CYP24A1: variants seen among roughly 807,000 people sequenced by gnomAD.
The protein encoded by CYP24A1 is cytochrome P450 family 24 subfamily A member 1.
Under a neutral mutation model 62.4 loss-of-function variants are expected in CYP24A1, and 68 were observed. The ratio of observed to expected loss-of-function variants is 1.09; its 90% CI spans 0.90 to 1.33. The LOEUF (loss-of-function observed/expected upper bound fraction) is 1.33, where lower values mean the gene tolerates loss of function less well. Ranked by LOEUF, CYP24A1 falls within the 40% of genes most tolerant of loss-of-function variation. CYP24A1 has a pLI of 0.00. For synonymous variants in CYP24A1, 267 were observed against 253.0 expected (o/e 1.06, Z -0.52); for missense variants, 787 against 653.0 (o/e 1.21, Z -2.24).
the CYP24A1 span, among the ~76,000 whole-genome samples, chr20:54,143,643 C>A: frequency 1.3e-5 from 2 of 151,598 alleles, no homozygotes; most frequent in East Asian, 1.9e-4. Flanking sequence ...TTGGTGTACC[C>A]ATCACCCAAG....
In CYP24A1 at chr20:54,173,565, G is replaced by C. The variant is rs1005343886; in HGVS notation, c.15C>G (p.Ile5Met). ...AGGCGGCAAGCGAGCGGCTCTTGCT[G>C]ATGGGGGAGCTCATGGCAGCGGGGG... Reference protein sequence around the residue: MSSPISKSRSLAAFL... With the variant: MSSPMSKSRSLAAFL... Residue 5 changes from isoleucine (I) to methionine (M), a missense_variant, in exon 1 of 12, where the codon ATC (isoleucine) becomes ATG (methionine). Transcript: ENST00000216862. This position sits in a 1 kb window ranked among gnomAD's most constrained non-coding sequence, Gnocchi z 7.2. 5 of 1,580,446 alleles carry C rather than the reference G, an allele frequency of 3.2e-6. No homozygotes were observed. The highest frequency in any genetic ancestry group is 4.3e-6 in the Non-Finnish European group (5 of 1,168,306).
chr20:54,153,066 T>C (rs79010878), downstream of CYP24A1, among the ~76,000 whole-genome samples: 4,011 of 152,212 alleles, frequency 0.026, 182 homozygotes, highest in African/African-American at 0.092. Flanking sequence ...GGGGCTGAAA[T>C]GGTTCGTAAC....
downstream of CYP24A1, among the ~76,000 whole-genome samples, chr20:54,152,574 A>G (rs146029554): frequency 8.4e-4 from 128 of 152,350 alleles, 1 homozygote; most frequent in Non-Finnish European, 1.1e-3. Context: ...GGAGAAGAAC[A>G]GGCAGAGAAA....
intron 7 of CYP24A1, among the ~76,000 whole-genome samples, chr20:54,162,276 T>G (rs2092654049): frequency 7.3e-6 from 1 of 137,048 alleles, no homozygotes; most frequent in East Asian, 2.3e-4. Flanking sequence ...CAGCCACAGT[T>G]AGGCACTTTG....
At position 54,159,131 on chromosome 20, in the gene CYP24A1, C is replaced by G; in HGVS notation, c.991-8G>C. ...CATTAGACTGTTTGCTGTCTGCAAG[C>G]CAAATGGACATAAACTTGAGTTTTT... On this transcript the variant is annotated splice_region_variant and splice_polypyrimidine_tract_variant and intron_variant, in intron 7 of 11. Coordinates refer to ENST00000216862, the MANE Select transcript of CYP24A1 (RefSeq NM_000782.5). 1 of 1,609,126 alleles carries G rather than the reference C, an allele frequency of 6.2e-7. No individual in the cohort carries two copies. Among genetic ancestry groups the G allele is most frequent in the African/African-American group, 1.3e-5 (1 of 74,888 alleles).
intron 4 of CYP24A1, among the ~76,000 whole-genome samples, chr20:54,167,384 G>A (rs2092675824): frequency 6.6e-6 from 1 of 152,212 alleles, no homozygotes; most frequent in Admixed American, 6.5e-5. Flanking sequence ...GCTCATGCTT[G>A]TAATCCCAGC....
chr20:54,156,248 T>C (rs369661750), intron 11 of CYP24A1, among the ~76,000 whole-genome samples: 1 of 152,194 alleles, frequency 6.6e-6, no homozygotes, highest in African/African-American at 2.4e-5. Context: ...GTGAATATAC[T>C]ACCTTATATG....
the CYP24A1 span, among the ~76,000 whole-genome samples, chr20:54,145,841 T>C: frequency 6.6e-6 from 1 of 152,244 alleles, no homozygotes; most frequent in Non-Finnish European, 1.5e-5. Context: ...GGGAGGAATT[T>C]ACACAAAGCT....
rs1401809190 is a variant in CYP24A1 at position 54,173,315 on chromosome 20, G to T, written c.258+7C>A. ...GGAGAGAGTCAGGGGCGCGAAAAGG[G>T]GTTTACCAGGGTGTCGTGCTGTTTC... On this transcript the variant is annotated splice_region_variant and intron_variant, in intron 1 of 11. Coordinates refer to ENST00000216862, the MANE Select transcript of CYP24A1 (RefSeq NM_000782.5). The surrounding 1 kb of genome is among the most constrained non-coding windows in gnomAD (Gnocchi z 7.2). 1 of 1,607,184 alleles carries T rather than the reference G, an allele frequency of 6.2e-7. No homozygotes were observed. Among genetic ancestry groups the T allele is most frequent in the Non-Finnish European group, 8.5e-7 (1 of 1,175,472 alleles).
chr20:54,159,254 T>C, intron 7 of CYP24A1, 131 bp from the exon 8 acceptor site: 2 of 729,350 alleles, frequency 2.7e-6, no homozygotes, highest in Non-Finnish European at 4.9e-6. Flanking sequence ...CGCGTCCTTA[T>C]AGCTACGCCT....
At chr20:54,147,680 T>C in the CYP24A1 span, among the ~76,000 whole-genome samples, 1 of 152,382 alleles carries the variant, frequency 6.6e-6, no homozygotes, top group East Asian at 1.9e-4. Flanking sequence ...ATTGTTTCCA[T>C]TGATTCTCTC....
At chr20:54,167,209 C>G (rs1224417425) in intron 4 of CYP24A1, among the ~76,000 whole-genome samples, 1 of 152,230 alleles carries the variant, frequency 6.6e-6, no homozygotes, top group Non-Finnish European at 1.5e-5. Flanking sequence ...GCTTTTCCAA[C>G]TACCTCCATG....
chr20:54,162,856 G>C lies in CYP24A1; in HGVS notation c.851C>G (p.Ala284Gly). 1 of 1,568,332 alleles carries C rather than the reference G, an allele frequency of 6.4e-7. No individual in the cohort carries two copies. Among genetic ancestry groups the C allele is most frequent in the African/African-American group, 1.4e-5 (1 of 74,058 alleles). Residue 284 changes from alanine to glycine, a missense_variant, in exon 7 of 12, where the codon GCT becomes GGT. Coordinates refer to ENST00000216862, the MANE Select transcript of CYP24A1 (RefSeq NM_000782.5). ...AWDTIFKSVK[A>G]CIDNRLEKYS... ...CTTCTCTAACCGGTTGTCGATACAA[G>C]CTTTGACTATTAGAGCAGAGAAGAA...
the CYP24A1 span, among the ~76,000 whole-genome samples, chr20:54,146,192 C>T: frequency 2.6e-5 from 4 of 152,160 alleles, no homozygotes; most frequent in Non-Finnish European, 5.9e-5. Context: ...TAGGTTGGTG[C>T]AAAAGCGATT....
rs1166528716 is a variant in CYP24A1 at position 54,173,304 on chromosome 20, G to A, written c.258+18C>T. ...CGGAAGAGGGAGGAGAGAGTCAGGG[G>A]CGCGAAAAGGGGTTTACCAGGGTGT... On this transcript the variant is annotated intron_variant, in intron 1 of 11. Coordinates refer to ENST00000216862, the MANE Select transcript of CYP24A1 (RefSeq NM_000782.5). This position sits in a 1 kb window ranked among gnomAD's most constrained non-coding sequence, Gnocchi z 7.2. 6.2e-7 allele frequency: 1 copy of A among 1,601,896 alleles called. No homozygotes were observed. The highest frequency in any genetic ancestry group is 2.2e-5 in the East Asian group (1 of 44,694).
At chr20:54,148,991 A>G (rs1348532878), downstream of CYP24A1, among the ~76,000 whole-genome samples, 1 of 152,038 alleles carries the variant, frequency 6.6e-6, no homozygotes, top group Non-Finnish European at 1.5e-5. Flanking sequence ...TTTGATTGAC[A>G]TTTCCTCCCC....
intron 2 of CYP24A1, 35 bp from the exon 3 acceptor site, chr20:54,171,705 T>G: frequency 3.1e-6 from 5 of 1,613,714 alleles, no homozygotes; most frequent in Non-Finnish European, 4.2e-6. Flanking sequence ...TAGAGCACAC[T>G]GAAAAGAAAA....
chr20:54,159,262 C>A (rs1420735372), intron 7 of CYP24A1, 139 bp from the exon 8 acceptor site: 1 of 686,666 alleles, frequency 1.5e-6, no homozygotes, highest in Non-Finnish European at 2.6e-6. Flanking sequence ...TATAGCTACG[C>A]CTTTAGACAA....
In CYP24A1 at chr20:54,161,983, C is replaced by T. The variant is rs1008856749; in HGVS notation, c.990+734G>A. Among the ~76,000 whole-genome samples, 15 of 152,302 alleles carry T rather than the reference C, an allele frequency of 9.8e-5. No homozygotes were observed. In the South Asian group the frequency reaches 2.5e-3, roughly 25 times the overall value. ...AGCGTGCGCCACTCCCATCACAGCT[C>T]GAACTAGTATCCAAGTCAATTAAAC... On this transcript the variant is annotated intron_variant, in intron 7 of 11. Transcript: ENST00000216862.
Sources: gnomAD v4.1 joint callset for allele counts (sites outside exome capture counted in the v4.1 genomes callset) on GRCh38, gnomAD v4.1.1 for gene constraint, Gnocchi (gnomAD v3.1) non-coding constraint, MANE v1.5 for transcripts, NCBI Gene and HGNC (gene_info 2026-07-23, HGNC 2026-07-21) for gene names.